BIN3: variants seen among roughly 807,000 people sequenced by gnomAD.
BIN3 encodes the protein bridging integrator 3.
Under a neutral mutation model 38.2 loss-of-function variants are expected in BIN3, and 41 were observed. That is an observed-to-expected ratio of 1.07 (90% CI 0.84 to 1.39). BIN3 has a LOEUF of 1.39. BIN3 is among the 40% of genes most tolerant of loss of function. The pLI is 0.00. For missense variants in BIN3, 361 were observed against 324.3 expected, an observed-to-expected ratio of 1.11 and a Z score of -0.87; for synonymous variants, 145 against 122.6, an observed-to-expected ratio of 1.18 and a Z score of -1.21.
intron 4 of BIN3, among the ~76,000 whole-genome samples, chr8:22,631,818 C>A (rs1007606496): frequency 6.6e-6 from 1 of 152,198 alleles, no homozygotes. Context: ...GAGTCACAGG[C>A]GGCTCAGAGG....
chr8:22,639,257 G>A (rs1802463366), intron 2 of BIN3, among the ~76,000 whole-genome samples: 2 of 151,344 alleles, frequency 1.3e-5, no homozygotes, highest in South Asian at 4.2e-4. Context: ...TTTGAGACAG[G>A]GTTTTGCTCT....
At chr8:22,630,775 A>C (rs1802168606) in intron 4 of BIN3, among the ~76,000 whole-genome samples, 197 bp from the exon 5 acceptor site, 1 of 152,096 alleles carries the variant, frequency 6.6e-6, no homozygotes, top group African/African-American at 2.4e-5. Flanking sequence ...CCTGACCCTA[A>C]CACTGCTCCA....
intron 2 of BIN3, among the ~76,000 whole-genome samples, chr8:22,643,635 C>T (rs542811188): frequency 6.6e-6 from 1 of 152,348 alleles, no homozygotes; most frequent in East Asian, 1.9e-4. Context: ...GGCCTGTTTC[C>T]TCTCAAGTGA....
intron 4 of BIN3, among the ~76,000 whole-genome samples, chr8:22,631,332 T>C (rs768812244): frequency 6.6e-6 from 1 of 152,064 alleles, no homozygotes; most frequent in African/African-American, 2.4e-5. Context: ...CCCGGGTCTG[T>C]TCCTGCTCCC....
intron 1 of BIN3, among the ~76,000 whole-genome samples, chr8:22,645,595 G>T (rs142931918): frequency 2.2e-5 from 3 of 135,234 alleles, no homozygotes; most frequent in African/African-American, 1.1e-4. Context: ...GCAGGAAAGG[G>T]AAGACACCCG....
chr8:22,649,606 T>C (rs983714007), intron 1 of BIN3, among the ~76,000 whole-genome samples: 2 of 152,138 alleles, frequency 1.3e-5, no homozygotes, highest in Admixed American at 6.6e-5. Flanking sequence ...GAAGCAAATA[T>C]GCCAAATGTT....
In BIN3 at chr8:22,629,961, C is replaced by T; in HGVS notation, c.338+3G>A. 6.2e-7 allele frequency: 1 copy of T among 1,606,976 alleles called. No individual in the cohort carries two copies. ...CCGAGGCCCCCAGGTGACATTTACT[C>T]ACTTTTTTAAGGGCTCGATCACAGT... is the stretch of plus-strand genomic sequence containing the variant. On this transcript the variant is annotated splice_donor_region_variant and intron_variant, in intron 6 of 8. Transcript: ENST00000276416.
rs763457940 is a variant in BIN3 at position 22,624,009 on chromosome 8, G to A, written c.521C>T (p.Ala174Val). The A allele has an allele frequency of 5.6e-6, 9 of 1,613,146 alleles. No homozygotes were observed. The East Asian group carries it at 1.1e-4, about 20-fold the overall frequency. The change falls in exon 8 of 9, where the codon GCC becomes GTC. Residue 174 changes from alanine (A) to valine (V), a missense_variant. Ala to Val is a moderately conservative substitution (Grantham distance 64). Transcript: ENST00000276416. Reference sequence around the variant, plus strand: ...CTCCTCCAGCAGCTGCCTGTTCTTGGCTTCAAAGTCCTCCCGCACAGGCCG... The same window carrying A: ...CTCCTCCAGCAGCTGCCTGTTCTTGACTTCAAAGTCCTCCCGCACAGGCCG... ...ELRPVREDFEAKNRQLLEEMP... is the reference protein window; with the variant it reads ...ELRPVREDFEVKNRQLLEEMP...
chr8:22,644,166 T>C (rs1216719568), intron 2 of BIN3, among the ~76,000 whole-genome samples: 1 of 152,232 alleles, frequency 6.6e-6, no homozygotes, highest in Non-Finnish European at 1.5e-5. Context: ...CAGCTCTAAC[T>C]TCCTAAGAAT....
In BIN3 at chr8:22,621,548, C is replaced by T. The variant is rs1165327637; in HGVS notation, c.636G>A (p.Met212Ile). The T allele has an allele frequency of 6.2e-7, 1 of 1,613,806 alleles. No individual in the cohort carries two copies. The highest frequency in any genetic ancestry group is 1.1e-5 in the South Asian group (1 of 91,088). ...IRAQVVYYSEMHKIFGDLSHQ... is the reference protein window; with the variant it reads ...IRAQVVYYSEIHKIFGDLSHQ... Reference sequence around the variant, plus strand: ...GGGACAGGTCTCCAAAGATCTTGTGCATTTCCGAGTAGTACACAACCTGGG... The same window carrying T: ...GGGACAGGTCTCCAAAGATCTTGTGTATTTCCGAGTAGTACACAACCTGGG... The change falls in exon 9 of 9, where the codon ATG becomes ATA. Residue 212 changes from methionine to isoleucine, a missense_variant. Coordinates refer to ENST00000276416, the MANE Select transcript of BIN3 (RefSeq NM_018688.6).
intron 2 of BIN3, among the ~76,000 whole-genome samples, chr8:22,638,618 T>C (rs1356481585): frequency 6.6e-6 from 1 of 151,994 alleles, no homozygotes; most frequent in African/African-American, 2.4e-5. Context: ...CCAGAGAGAG[T>C]TGAACACAGA....
intron 6 of BIN3, among the ~76,000 whole-genome samples, chr8:22,627,315 T>C (rs376464924): frequency 6.6e-6 from 1 of 151,330 alleles, no homozygotes; most frequent in African/African-American, 2.4e-5. Flanking sequence ...TGAAGAGTAG[T>C]GGACCAGGAC....
chr8:22,648,586 G>T (rs1483503506), intron 1 of BIN3, among the ~76,000 whole-genome samples: 1 of 152,142 alleles, frequency 6.6e-6, no homozygotes, highest in African/African-American at 2.4e-5. Flanking sequence ...CAGGGTCCAC[G>T]ATGTCAACAT....
intron 1 of BIN3, among the ~76,000 whole-genome samples, chr8:22,654,426 C>T (rs1466299315): frequency 2.6e-5 from 4 of 152,176 alleles, no homozygotes; most frequent in Non-Finnish European, 5.9e-5. Flanking sequence ...GCAAAAATCA[C>T]TGCTATCTAA....
chr8:22,631,945 A>T (rs938893672), intron 4 of BIN3, among the ~76,000 whole-genome samples: 1 of 152,148 alleles, frequency 6.6e-6, no homozygotes, highest in African/African-American at 2.4e-5. Context: ...GGCCCTGGAG[A>T]AGGGTCATGC....
At chr8:22,660,285 G>T (rs79491550) in intron 1 of BIN3, among the ~76,000 whole-genome samples, 2,865 of 152,352 alleles carry the variant, frequency 0.019, 84 homozygotes, top group African/African-American at 0.064. Flanking sequence ...AGAAGGGGTA[G>T]AAAATGGGTT....
In BIN3 at chr8:22,661,352, C is replaced by CTTTTTTTTTT. The variant is rs751194383; in HGVS notation, c.8+7682_8+7691dup. Among the ~76,000 whole-genome samples the CTTTTTTTTTT allele has an allele frequency of 4.7e-3, 394 of 84,440 alleles. 44 individuals are homozygous for CTTTTTTTTTT. Among genetic ancestry groups the CTTTTTTTTTT allele is most frequent in the East Asian group, 7.4e-3 (18 of 2,444 alleles). The allele number at this position is 84,440 out of a possible 152,430, so 55.4% of individuals were successfully genotyped here. On this transcript the variant is annotated intron_variant, in intron 1 of 8. Transcript: ENST00000276416. ...ATAGTACAATGTTGAATGTATCATT[C>CTTTTTTTTTT]TTTTTTTTTTTTTTTTTTTTTTTGA... is the stretch of plus-strand genomic sequence containing the variant.
At chr8:22,654,754 T>A (rs1803004642) in intron 1 of BIN3, among the ~76,000 whole-genome samples, 1 of 152,092 alleles carries the variant, frequency 6.6e-6, no homozygotes, top group Non-Finnish European at 1.5e-5. Context: ...ATTGGGTTGT[T>A]TTCCCTTTTT....
Position 22,623,906 on chromosome 8 carries a change from C to A in BIN3, c.615+9G>T, listed in dbSNP as rs201821439. On this transcript the variant is annotated intron_variant, in intron 8 of 8. Coordinates refer to ENST00000276416, the MANE Select transcript of BIN3 (RefSeq NM_018688.6). Reference sequence around the variant, plus strand: ...CCAAGCCCAGGGGAAGAGCACCTGGCGGCCTCACCTGAGCTCGGATGAGGG... The same window carrying A: ...CCAAGCCCAGGGGAAGAGCACCTGGAGGCCTCACCTGAGCTCGGATGAGGG... 1.4e-5 allele frequency: 23 copies of A among 1,610,056 alleles called. No individual in the cohort carries two copies. The highest frequency in any genetic ancestry group is 1.9e-5 in the Non-Finnish European group (22 of 1,178,694).
Sources: allele counts gnomAD v4.1 joint callset (sites outside exome capture counted in the v4.1 genomes callset), GRCh38; gene constraint gnomAD v4.1.1; transcripts MANE v1.5; gene names NCBI Gene and HGNC (gene_info 2026-07-23, HGNC 2026-07-21).